GALNTL6: variants seen among roughly 807,000 people sequenced by gnomAD.
GALNTL6 encodes the protein polypeptide N-acetylgalactosaminyltransferase like 6.
A neutral mutation model predicts 73.7 loss-of-function variants in GALNTL6; 46 were observed. That is an observed-to-expected ratio of 0.62 (90% CI 0.49 to 0.80). The LOEUF is 0.80. GALNTL6 is among the 30% of genes least tolerant of loss of function. The pLI is 0.00. For synonymous variants in GALNTL6, 259 were observed against 263.7 expected, an observed-to-expected ratio of 0.98 and a Z score of 0.17; for missense variants, 604 against 755.0, an observed-to-expected ratio of 0.80 and a Z score of 2.34.
At chr4:171,944,517 T>G (rs554728215) in intron 2 of GALNTL6, among the ~76,000 whole-genome samples, 1 of 152,174 alleles carries the variant, frequency 6.6e-6, no homozygotes, top group African/African-American at 2.4e-5. Flanking sequence ...TTTCTACTGG[T>G]GTTTTCAAAG....
intron 2 of GALNTL6, among the ~76,000 whole-genome samples, chr4:172,130,360 T>G (rs1306685068): frequency 6.6e-6 from 1 of 151,970 alleles, no homozygotes; most frequent in East Asian, 1.9e-4. Flanking sequence ...CAAGAATCAT[T>G]TCTTAATTTT....
intron 10 of GALNTL6, among the ~76,000 whole-genome samples, chr4:172,980,553 G>C (rs769758067): frequency 1.3e-5 from 2 of 152,126 alleles, no homozygotes; most frequent in Admixed American, 6.5e-5. Flanking sequence ...GTCAGGTCAG[G>C]TTCTCGCGAG....
At chr4:172,422,978 A>G (rs1250614902) in intron 5 of GALNTL6, among the ~76,000 whole-genome samples, 3 of 151,596 alleles carry the variant, frequency 2.0e-5, no homozygotes, top group African/African-American at 7.3e-5. Context: ...CTACCTCTGC[A>G]AATGAAGAAT....
At chr4:172,624,472 A>G (rs185958081) in intron 5 of GALNTL6, among the ~76,000 whole-genome samples, 113 of 152,096 alleles carry the variant, frequency 7.4e-4, no homozygotes, top group Middle Eastern at 3.4e-3. Flanking sequence ...GCGTACAGGT[A>G]GTCTGAAGAG....
At position 172,217,298 on chromosome 4, in the gene GALNTL6, G is replaced by A. The variant is rs571555075; in HGVS notation, c.139-12358G>A. Among the ~76,000 whole-genome samples, 4 of 152,224 alleles carry A rather than the reference G, an allele frequency of 2.6e-5. No individual in the cohort carries two copies. In the East Asian group the frequency reaches 5.8e-4, roughly 22 times the overall value. ...TAGGGTAAAATATTTTGACTTCTTT[G>A]TTACATAATGTTACGCAGGAGTCAC... On this transcript the variant is annotated intron_variant, in intron 2 of 12. Transcript: ENST00000506823.
intron 8 of GALNTL6, among the ~76,000 whole-genome samples, chr4:172,913,308 TTCTA>T (rs1308134560): frequency 6.6e-6 from 1 of 151,940 alleles, no homozygotes; most frequent in Non-Finnish European, 1.5e-5. Context: ...AAGCTGAAAA[TTCTA>T]AAAATCAGAG....
intron 2 of GALNTL6, among the ~76,000 whole-genome samples, chr4:172,219,528 T>TACCGGACCAACA (rs1736606358): frequency 6.6e-6 from 1 of 151,800 alleles, no homozygotes; most frequent in African/African-American, 2.4e-5. Context: ...TGTTTTCCCG[T>TACCGGACCAACA]AAGTAAATTA....
At chr4:172,960,989 C>T (rs1253619456) in intron 10 of GALNTL6, among the ~76,000 whole-genome samples, 13 of 85,302 alleles carry the variant, frequency 1.5e-4, no homozygotes, top group East Asian at 7.8e-4. Flanking sequence ...GGTAGAGACA[C>T]GGGGAGAAGG....
At chr4:172,715,415 C>G (rs1428000813) in intron 5 of GALNTL6, among the ~76,000 whole-genome samples, 1 of 152,158 alleles carries the variant, frequency 6.6e-6, no homozygotes, top group Non-Finnish European at 1.5e-5. Flanking sequence ...TAAAAGAGTG[C>G]AGGTTCTGCA....
chr4:172,975,771 A>C (rs1750779095), intron 10 of GALNTL6, among the ~76,000 whole-genome samples: 2 of 152,160 alleles, frequency 1.3e-5, no homozygotes, highest in South Asian at 4.1e-4. Flanking sequence ...TGTCAGTGCC[A>C]TCCGGAGCAC....
At chr4:172,458,214 T>C (rs893077551) in intron 5 of GALNTL6, among the ~76,000 whole-genome samples, 1 of 151,808 alleles carries the variant, frequency 6.6e-6, no homozygotes, top group Non-Finnish European at 1.5e-5. Flanking sequence ...GGGACACATT[T>C]AAAGCAGTGT....
chr4:172,338,669 T>G (rs1258202011), intron 4 of GALNTL6, among the ~76,000 whole-genome samples: 1 of 152,218 alleles, frequency 6.6e-6, no homozygotes, highest in Non-Finnish European at 1.5e-5. Flanking sequence ...CCTTGTTTAC[T>G]GCGAGATATT....
In GALNTL6 at chr4:172,768,829, C is replaced by A. The variant is rs148313051; in HGVS notation, c.554-40532C>A. Among the ~76,000 whole-genome samples, 38 of 152,150 alleles carry A rather than the reference C, an allele frequency of 2.5e-4. No homozygotes were observed. The East Asian group carries it at 3.9e-3, about 16-fold the overall frequency. On this transcript the variant is annotated intron_variant, in intron 5 of 12. Coordinates refer to ENST00000506823, the MANE Select transcript of GALNTL6 (RefSeq NM_001034845.3). ...AGGGTCTTATCAGCTGTTTATGCAG[C>A]TATTTCAACAGTTTCCACTTGCTAG...
At chr4:172,790,983 G>A (rs927057278) in intron 5 of GALNTL6, among the ~76,000 whole-genome samples, 1 of 151,712 alleles carries the variant, frequency 6.6e-6, no homozygotes, top group Admixed American at 6.6e-5. Flanking sequence ...TAGAGATGAA[G>A]TGTGCAGAGA....
intron 5 of GALNTL6, among the ~76,000 whole-genome samples, chr4:172,396,493 G>T (rs1231892411): frequency 2.6e-5 from 4 of 152,062 alleles, no homozygotes; most frequent in African/African-American, 9.7e-5. Context: ...AGTGTTTATG[G>T]AAGTGCAAGC....
intron 5 of GALNTL6, among the ~76,000 whole-genome samples, chr4:172,734,154 G>C (rs1736313674): frequency 1.3e-5 from 2 of 152,162 alleles, no homozygotes; most frequent in African/African-American, 4.8e-5. Context: ...GTGGAACTTT[G>C]AACTTCAGAG....
At chr4:172,355,361 G>C (rs181517775) in intron 5 of GALNTL6, among the ~76,000 whole-genome samples, 1 of 152,182 alleles carries the variant, frequency 6.6e-6, no homozygotes, top group East Asian at 1.9e-4. Flanking sequence ...CGTTGTTTGA[G>C]AGAATGGCAT....
intron 12 of GALNTL6, among the ~76,000 whole-genome samples, chr4:173,025,833 T>C (rs1298508896): frequency 6.6e-6 from 1 of 152,130 alleles, no homozygotes; most frequent in Non-Finnish European, 1.5e-5. Context: ...TTTGCTTTTA[T>C]GACTTTCAAG....
At chr4:172,406,319 A>C (rs1028208538) in intron 5 of GALNTL6, among the ~76,000 whole-genome samples, 1 of 152,020 alleles carries the variant, frequency 6.6e-6, no homozygotes, top group African/African-American at 2.4e-5. Flanking sequence ...ATTGCACTGC[A>C]CAGAAATACA....
Sources: gnomAD v4.1 joint callset for allele counts (sites outside exome capture counted in the v4.1 genomes callset) on GRCh38, gnomAD v4.1.1 for gene constraint, MANE v1.5 for transcripts, NCBI Gene and HGNC (gene_info 2026-07-23, HGNC 2026-07-21) for gene names.